SORD: variants seen among roughly 807,000 people sequenced by gnomAD.
The protein encoded by SORD is (R,R)-butanediol dehydrogenase.
A neutral mutation model predicts 35.6 loss-of-function variants in SORD; 18 were observed. The observed-to-expected ratio is 0.51, with a 90% CI of 0.35 to 0.75. SORD has a LOEUF of 0.75. Among genes scored for constraint, SORD ranks in the 30% least tolerant of loss-of-function variants. The pLI, the probability that SORD is intolerant of heterozygous loss-of-function variation, is 0.01. For missense variants in SORD, 250 were observed against 390.2 expected (o/e 0.64, Z 3.03); for synonymous variants, 106 against 152.9 (o/e 0.69, Z 2.26).
At chr15:45,030,226 C>A (rs1892753603) in intron 1 of SORD, among the ~76,000 whole-genome samples, 1 of 152,232 alleles carries the variant, frequency 6.6e-6, no homozygotes, top group Admixed American at 6.5e-5. Context: ...CTATCAAAAG[C>A]AGGAGAAGAA....
At chr15:45,058,232 C>T (rs898222808) in intron 3 of SORD, among the ~76,000 whole-genome samples, 8 of 152,176 alleles carry the variant, frequency 5.3e-5, no homozygotes, top group Admixed American at 4.6e-4. Context: ...TCAGATAACA[C>T]TGAGGTGTAG....
chr15:45,040,461 G>A lies in SORD; in HGVS notation c.100+20G>A, dbSNP rs375753112. On this transcript the variant is annotated intron_variant, in intron 2 of 8. Coordinates refer to ENST00000267814, the MANE Select transcript of SORD (RefSeq NM_003104.6). ...CAAATGGTAAGTTCTTGGGAAACAT[G>A]ACTTATATTTTATTATTTCCTGTTG... 4.5e-6 allele frequency: 7 copies of A among 1,562,476 alleles called. No homozygotes were observed. The highest frequency in any genetic ancestry group is 6.2e-6 in the Non-Finnish European group (7 of 1,133,488).
rs140070353 is a variant in SORD, at chr15:45,023,320, G to T, written c.37G>T (p.Val13Leu). ...GGCCAAGCCCAACAACCTTTCCCTG[G>T]TGGTGCACGGACCGGGGGACTTGCG... is the stretch of plus-strand genomic sequence containing the variant. ...AAAKPNNLSL[V>L]VHGPGDLRLE... is the part of the protein sequence containing the mutation. Residue 13 changes from valine (V) to leucine (L), a missense_variant, in exon 1 of 9, where the codon GTG becomes TTG. Val to Leu is a conservative substitution (Grantham distance 32). Transcript: ENST00000267814. The T allele has an allele frequency of 1.9e-5, 30 of 1,591,362 alleles. No individual in the cohort carries two copies. In the Admixed American group the frequency reaches 3.1e-4, roughly 17 times the overall value.
intron 4 of SORD, among the ~76,000 whole-genome samples, chr15:45,063,765 G>T (rs192532580): frequency 1.7e-3 from 252 of 152,308 alleles, no homozygotes; most frequent in African/African-American, 5.8e-3. Context: ...CTAGGAACCT[G>T]TGGAGTCCCT....
Position 45,068,238 on chromosome 15 carries a change from T to A in SORD, c.602T>A (p.Val201Glu). Residue 201 changes from valine (V) to glutamate (E), a missense_variant, in exon 6 of 9, where the codon GTG (valine) becomes GAG (glutamate). Val to Glu is a moderately radical substitution (Grantham distance 121). Coordinates refer to ENST00000267814, the MANE Select transcript of SORD (RefSeq NM_003104.6). ...AAAGCAATGGGAGCAGCTCAAGTAGTGGTGACTGGTAAGACTTTGTTCTTT... is the reference window on the plus strand; with the variant it reads ...AAAGCAATGGGAGCAGCTCAAGTAGAGGTGACTGGTAAGACTTTGTTCTTT... ...VAKAMGAAQV[V>E]VTDLSATRLS... 1.2e-6 allele frequency: 2 copies of A among 1,612,210 alleles called. No homozygotes were observed. Among genetic ancestry groups the A allele is most frequent in the Non-Finnish European group, 8.5e-7 (1 of 1,178,248 alleles).
At chr15:45,025,954 C>T (rs1892661466) in intron 1 of SORD, among the ~76,000 whole-genome samples, 1 of 152,144 alleles carries the variant, frequency 6.6e-6, no homozygotes, top group Non-Finnish European at 1.5e-5. Context: ...CTTGCCTGGG[C>T]TGAGTGAACC....
chr15:45,023,502 T>C (rs1190765722), intron 1 of SORD, among the ~76,000 whole-genome samples, 153 bp downstream of exon 1: 2 of 152,112 alleles, frequency 1.3e-5, no homozygotes, highest in Non-Finnish European at 2.9e-5. Flanking sequence ...CCTCGGGGTG[T>C]GGGGGCAGCA....
chr15:45,030,929 G>C (rs552425380), intron 1 of SORD, among the ~76,000 whole-genome samples: 34 of 152,248 alleles, frequency 2.2e-4, no homozygotes, highest in African/African-American at 8.0e-4. Context: ...TGCTGACTCC[G>C]ACCAGGAGCC....
At position 45,048,994 on chromosome 15, in the gene SORD, T is replaced by C. The variant is rs145764558; in HGVS notation, c.265+5573T>C. Among the ~76,000 whole-genome samples, 818 of 152,280 alleles carry C rather than the reference T, an allele frequency of 5.4e-3. 5 individuals carry two copies. The highest frequency in any genetic ancestry group is 0.014 in the Middle Eastern group (4 of 294). Reference sequence around the variant, plus strand: ...TTTCTCAGCAACTGCGAGTATGTTTTAGGCAAGCCCCTGCCCACCCCCTTG... The same window carrying C: ...TTTCTCAGCAACTGCGAGTATGTTTCAGGCAAGCCCCTGCCCACCCCCTTG... On this transcript the variant is annotated intron_variant, in intron 3 of 8. Coordinates refer to ENST00000267814, the MANE Select transcript of SORD (RefSeq NM_003104.6).
chr15:45,036,213 C>A (rs1306174612), intron 1 of SORD: 1 of 403,468 alleles, frequency 2.5e-6, no homozygotes, highest in East Asian at 8.3e-5. Context: ...TGCGAGGGTC[C>A]GCAGCTTCAT....
intron 3 of SORD, chr15:45,047,187 T>C (rs1893058236): frequency 6.6e-6 from 1 of 152,076 alleles, no homozygotes; most frequent in Non-Finnish European, 1.5e-5. Context: ...AACAACCAAT[T>C]AAGATGATGC....
At chr15:45,028,651 G>GA (rs1199192918) in intron 1 of SORD, among the ~76,000 whole-genome samples, 1 of 151,824 alleles carries the variant, frequency 6.6e-6, no homozygotes, top group African/African-American at 2.4e-5. Flanking sequence ...ATAAAGGGCA[G>GA]AAAAATTAAT....
intron 7 of SORD, among the ~76,000 whole-genome samples, chr15:45,070,973 GCATGA>G (rs1893502671): frequency 6.6e-6 from 1 of 152,222 alleles, no homozygotes; most frequent in African/African-American, 2.4e-5. Flanking sequence ...CTGACGTCAC[GCATGA>G]CGGGTGCTGT....
chr15:45,036,525 C>T (rs769866610), intron 1 of SORD, among the ~76,000 whole-genome samples: 2 of 152,168 alleles, frequency 1.3e-5, no homozygotes, highest in East Asian at 3.9e-4. Flanking sequence ...AACTCCGTCT[C>T]TACCAAAAAT....
At chr15:45,040,014 TAG>T (rs1246241398) in intron 1 of SORD, among the ~76,000 whole-genome samples, 2 of 152,030 alleles carry the variant, frequency 1.3e-5, no homozygotes, top group African/African-American at 4.8e-5. Flanking sequence ...GGTCAGCAAT[TAG>T]AGTCAGCTCT....
chr15:45,030,689 G>T (rs1474793362), intron 1 of SORD, among the ~76,000 whole-genome samples: 1 of 152,248 alleles, frequency 6.6e-6, no homozygotes, highest in Non-Finnish European at 1.5e-5. Flanking sequence ...CATACACTTT[G>T]AATTAGGAGG....
intron 1 of SORD, among the ~76,000 whole-genome samples, chr15:45,033,863 G>C (rs1892819274): frequency 6.6e-6 from 1 of 151,620 alleles, no homozygotes; most frequent in Middle Eastern, 3.2e-3. Context: ...CATGCTGACT[G>C]AAACTGGCCT....
chr15:45,048,909 G>A (rs1422838348), intron 3 of SORD, among the ~76,000 whole-genome samples: 1 of 152,156 alleles, frequency 6.6e-6, no homozygotes, highest in African/African-American at 2.4e-5. Context: ...TGCGTGTGTA[G>A]CTTCCCTTAT....
intron 3 of SORD, among the ~76,000 whole-genome samples, chr15:45,046,950 A>G (rs565420039): frequency 5.3e-5 from 8 of 152,278 alleles, no homozygotes; most frequent in South Asian, 2.1e-4. Context: ...CCTGGGAGGT[A>G]GAGGTTGCAG....
Sources: gnomAD v4.1 joint callset for allele counts (sites outside exome capture counted in the v4.1 genomes callset) on GRCh38, gnomAD v4.1.1 for gene constraint, MANE v1.5 for transcripts, NCBI Gene and HGNC (gene_info 2026-07-23, HGNC 2026-07-21) for gene names.